Variants in ZNF518B observed in about 807,000 individuals in gnomAD.
ZNF518B encodes the protein zinc finger protein 518B.
Under a neutral mutation model 56.3 loss-of-function variants are expected in ZNF518B, and 23 were observed. That is an observed-to-expected ratio of 0.41 (90% CI 0.29 to 0.58). The LOEUF (loss-of-function observed/expected upper bound fraction) is 0.58, where lower values mean the gene tolerates loss of function less well. Among genes scored for constraint, ZNF518B ranks in the 20% least tolerant of loss-of-function variants. The probability of loss-of-function intolerance (pLI) is 0.32; values close to 1 mark genes in which losing one functional copy is unlikely to be tolerated. For missense variants in ZNF518B, 1,460 were observed against 1,272.1 expected (o/e 1.15, Z -2.25); for synonymous variants, 529 against 465.9 (o/e 1.14, Z -1.74).
intron 2 of ZNF518B, among the ~76,000 whole-genome samples, chr4:10,447,696 C>A (rs1177005250): frequency 7.0e-6 from 1 of 142,192 alleles, no homozygotes; most frequent in Non-Finnish European, 1.5e-5. Flanking sequence ...GTTGCCCAGG[C>A]TGGAGTGCAA....
chr4:10,460,936 C>G (rs901818671), upstream of ZNF518B, among the ~76,000 whole-genome samples: 78 of 152,228 alleles, frequency 5.1e-4, no homozygotes, highest in African/African-American at 1.8e-3. Context: ...GCTTTTTTTT[C>G]TTCTAAAACA....
chr4:10,460,689 A>G (rs1005445232), upstream of ZNF518B, among the ~76,000 whole-genome samples: 2 of 152,184 alleles, frequency 1.3e-5, no homozygotes, highest in African/African-American at 4.8e-5. Context: ...GCTCAGAGGA[A>G]GGCCTCCACG....
chr4:10,440,845 T>TA lies in ZNF518B; in HGVS notation c.*2258dup, dbSNP rs540297803. The TA allele has an allele frequency of 6.6e-6, 1 of 152,022 alleles. No homozygotes were observed. Among genetic ancestry groups the TA allele is most frequent in the Non-Finnish European group, 1.5e-5 (1 of 67,974 alleles). 9.4% of individuals were successfully genotyped at this position (152,022 alleles called of 1,614,324 possible). ...GCACTATGTGGTGAGGAATAGGAGA[T>TA]AAAAAAGTGGCAAACAAAACAAAAC... is the stretch of plus-strand genomic sequence containing the variant. On this transcript the variant is annotated 3_prime_UTR_variant, in exon 3 of 3. Coordinates refer to ENST00000326756, the MANE Select transcript of ZNF518B (RefSeq NM_053042.3).
rs1313163070 is a variant in ZNF518B, at chr4:10,442,618, A to G, written c.*486T>C. On this transcript the variant is annotated 3_prime_UTR_variant, in exon 3 of 3. Transcript: ENST00000326756. Reference sequence around the variant, plus strand: ...ATTTCTCTATAACCAAATTGAAGACAGTAAAGTAGAAAATATAATTTCCAT... The same window carrying G: ...ATTTCTCTATAACCAAATTGAAGACGGTAAAGTAGAAAATATAATTTCCAT... 6.4e-6 allele frequency: 1 copy of G among 155,854 alleles called. No individual in the cohort carries two copies. The highest frequency in any genetic ancestry group is 1.4e-5 in the Non-Finnish European group (1 of 70,252). The allele number at this position is 155,854 out of a possible 1,614,324, so 9.7% of individuals were successfully genotyped here. A position where few individuals can be genotyped will look rare whatever the true frequency, so the allele number is the denominator to read the frequency against.
At chr4:10,449,326 T>A (rs1006250657) in intron 2 of ZNF518B, among the ~76,000 whole-genome samples, 80 of 152,186 alleles carry the variant, frequency 5.3e-4, no homozygotes, top group African/African-American at 1.8e-3. Flanking sequence ...GCACCCTAGG[T>A]AATCCTGATG....
At position 10,444,691 on chromosome 4, in the gene ZNF518B, C is replaced by T. The variant is rs768237573; in HGVS notation, c.1638G>A (p.Leu546=). 5 of 1,614,040 alleles carry T rather than the reference C, an allele frequency of 3.1e-6. No individual in the cohort carries two copies. Among genetic ancestry groups the T allele is most frequent in the East Asian group, 2.2e-5 (1 of 44,894 alleles). Reference sequence around the variant, plus strand: ...ATTCCAAGTCATTTTCACTTACAGGCAATAAGCCCTTTTCTCCAGAGAAGG... The same window carrying T: ...ATTCCAAGTCATTTTCACTTACAGGTAATAAGCCCTTTTCTCCAGAGAAGG... ...TCSFSGEKGL[L]PVSENDLEST... is the part of the protein sequence containing the mutation. Residue 546 remains leucine (L), a synonymous_variant, in exon 3 of 3, where the codon TTG becomes TTA. Coordinates refer to ENST00000326756, the MANE Select transcript of ZNF518B (RefSeq NM_053042.3).
At chr4:10,451,723 C>A (rs1334869956) in intron 2 of ZNF518B, 1 of 152,160 alleles carries the variant, frequency 6.6e-6, no homozygotes, top group Non-Finnish European at 1.5e-5. Flanking sequence ...GGCAAAACCA[C>A]CCACCTAGCT....
rs1456788451 is a variant in ZNF518B at position 10,440,174 on chromosome 4, T to C, written c.*2930A>G. The C allele has an allele frequency of 1.3e-5, 2 of 152,324 alleles. No individual in the cohort carries two copies. Among genetic ancestry groups the C allele is most frequent in the Non-Finnish European group, 2.9e-5 (2 of 68,034 alleles). 9.4% of individuals were successfully genotyped at this position (152,324 alleles called of 1,614,324 possible). A position where few individuals can be genotyped will look rare whatever the true frequency, so the allele number is the denominator to read the frequency against. ...GGAGCTTGTGAGAAAATATATTTTG[T>C]TCAGTCTAGTTCAACAGACAGCAGG... is the stretch of plus-strand genomic sequence containing the variant. On this transcript the variant is annotated 3_prime_UTR_variant, in exon 3 of 3. Coordinates refer to ENST00000326756, the MANE Select transcript of ZNF518B (RefSeq NM_053042.3).
rs1715039322 is a variant in ZNF518B at position 10,446,135 on chromosome 4, C to A, written c.194G>T (p.Ser65Ile). ...MTIATCAKCK[S>I]VHKISLQDLQ... ...ATCTTGAAGAGAGATCTTGTGAACA[C>A]TTTTGCACTTTGCACATGTAGCAAT... Residue 65 changes from serine (S) to isoleucine (I), a missense_variant, in exon 3 of 3, where the codon AGT becomes ATT. Ser to Ile is a moderately radical substitution (Grantham distance 142, BLOSUM62 -2). Transcript: ENST00000326756. 1 of 1,614,228 alleles carries A rather than the reference C, an allele frequency of 6.2e-7. No homozygotes were observed.
intron 1 of ZNF518B, among the ~76,000 whole-genome samples, chr4:10,455,310 G>C (rs921199475): frequency 6.6e-6 from 1 of 152,170 alleles, no homozygotes; most frequent in Admixed American, 6.5e-5. Context: ...ATGAATCCTG[G>C]AAATTGCAGT....
In ZNF518B at chr4:10,445,735, A is replaced by G. The variant is rs1560171302; in HGVS notation, c.594T>C (p.Gly198=). 3 of 1,614,104 alleles carry G rather than the reference A, an allele frequency of 1.9e-6. No homozygotes were observed. The highest frequency in any genetic ancestry group is 2.5e-6 in the Non-Finnish European group (3 of 1,180,024). ...TGACAATATAATCATTTCTAATAGC[A>G]CCATAGTCACAATACTCACACTGAT... ...FPYQCEYCDY[G]AIRNDYIVKH... The change falls in exon 3 of 3, where the codon GGT becomes GGC. Residue 198 remains glycine (G), a synonymous_variant. Coordinates refer to ENST00000326756, the MANE Select transcript of ZNF518B (RefSeq NM_053042.3).
Position 10,443,909 on chromosome 4 carries a change from A to G in ZNF518B, c.2420T>C (p.Leu807Ser). The change falls in exon 3 of 3, where the codon TTA becomes TCA. Residue 807 changes from leucine to serine, a missense_variant. Leu to Ser is a moderately radical substitution (Grantham distance 145). Coordinates refer to ENST00000326756, the MANE Select transcript of ZNF518B (RefSeq NM_053042.3). ...AGGGCAAAATGGAACTGGTTTTATT[A>G]ACTGTCTTTCACTGCAAGGTATGCT... The part of the protein sequence containing the change: ...PVSIPCSERQ[L>S]IKPVPFCPVR... The G allele has an allele frequency of 6.2e-7, 1 of 1,614,216 alleles. No individual in the cohort carries two copies. Among genetic ancestry groups the G allele is most frequent in the South Asian group, 1.1e-5 (1 of 91,084 alleles).
rs148218965 is a variant in ZNF518B, at chr4:10,444,448, A to G, written c.1881T>C (p.Thr627=). The change falls in exon 3 of 3, where the codon ACT becomes ACC. Residue 627 remains threonine, a synonymous_variant. Transcript: ENST00000326756. ...CTGATGAGATGACTGGGCCATCATT[A>G]GTGTTGTTAGTCCTTTCAGAATTCT... is the stretch of plus-strand genomic sequence containing the variant. ...ELKNSERTNN[T]NDGPVISSVF... 1.8e-5 allele frequency: 29 copies of G among 1,614,218 alleles called. No individual in the cohort carries two copies. Among genetic ancestry groups the G allele is most frequent in the Non-Finnish European group, 2.3e-5 (27 of 1,180,038 alleles).
At position 10,445,367 on chromosome 4, in the gene ZNF518B, TC is replaced by T; in HGVS notation, c.961del (p.Glu321AsnfsTer9). ...CAATGGCATACCTGGCTGAACAGGTTCTTTTGCAGGGGATAACACTTCTACT... is the reference window on the plus strand; with the variant it reads ...CAATGGCATACCTGGCTGAACAGGTTTTTTGCAGGGGATAACACTTCTACT... Reference protein sequence around the residue: ...VEVEVLSPAKEPVQPGMPLTV... With the variant: ...VEVEVLSPAKXPVQPGMPLTV... On this transcript the variant is annotated frameshift_variant, in exon 3 of 3. Coordinates refer to ENST00000326756, the MANE Select transcript of ZNF518B (RefSeq NM_053042.3). LOFTEE classifies it high-confidence loss of function. 1 of 1,614,256 alleles carries T rather than the reference TC, an allele frequency of 6.2e-7. No individual in the cohort carries two copies.
chr4:10,445,715 A>G lies in ZNF518B; in HGVS notation c.614T>C (p.Ile205Thr). ...ATGTACTCTCTTCGTGTGTTTGACA[A>G]TATAATCATTTCTAATAGCACCATA... ...CDYGAIRNDY[I>T]VKHTKRVHER... is the part of the protein sequence containing the mutation. The change falls in exon 3 of 3, where the codon ATT becomes ACT. Residue 205 changes from isoleucine (I) to threonine (T), a missense_variant. By Grantham distance (89) the Ile-to-Thr change is moderately conservative. Transcript: ENST00000326756. The G allele has an allele frequency of 3.7e-6, 6 of 1,614,172 alleles. No homozygotes were observed. The highest frequency in any genetic ancestry group is 5.1e-6 in the Non-Finnish European group (6 of 1,180,036).
chr4:10,440,215 G>C lies in ZNF518B; in HGVS notation c.*2889C>G, dbSNP rs1714610991. On this transcript the variant is annotated 3_prime_UTR_variant, in exon 3 of 3. Transcript: ENST00000326756. ...AGACAGCAGGTGGCCCTTAATGAAG[G>C]CTTACAAGATGTTCTCGACTGGGGA... 1.3e-5 allele frequency: 2 copies of C among 152,142 alleles called. No homozygotes were observed. The highest frequency in any genetic ancestry group is 1.3e-4 in the Admixed American group (2 of 15,262). The allele number at this position is 152,142 out of a possible 1,614,324, so 9.4% of individuals were successfully genotyped here.
chr4:10,456,774 C>G (rs1715551164), intron 1 of ZNF518B, among the ~76,000 whole-genome samples: 1 of 152,212 alleles, frequency 6.6e-6, no homozygotes, highest in African/African-American at 2.4e-5. Flanking sequence ...CGTCAACGCT[C>G]AGCTCCGAGG....
chr4:10,449,099 G>T (rs1577224930), intron 2 of ZNF518B, among the ~76,000 whole-genome samples: 1 of 152,272 alleles, frequency 6.6e-6, no homozygotes. Context: ...AGATAAAACG[G>T]AAAAGCTGCA....
intron 2 of ZNF518B, chr4:10,452,763 T>C (rs1166632465): frequency 1.3e-5 from 2 of 152,100 alleles, no homozygotes; most frequent in Non-Finnish European, 2.9e-5. Context: ...AGGAAAAAAA[T>C]CCATTAAGTG....
Sources: gnomAD v4.1 joint callset for allele counts (sites outside exome capture counted in the v4.1 genomes callset) on GRCh38, gnomAD v4.1.1 for gene constraint, MANE v1.5 for transcripts, NCBI Gene and HGNC (gene_info 2026-07-23, HGNC 2026-07-21) for gene names.